PIP5K1C: variants seen among roughly 807,000 people sequenced by gnomAD.
PIP5K1C encodes phosphatidylinositol 4-phosphate 5-kinase type-1 gamma.
PIP5K1C carries 45 observed loss-of-function variants against 80.1 expected under a neutral mutation model. The observed-to-expected ratio is 0.56, with a 90% CI of 0.44 to 0.72. The LOEUF (loss-of-function observed/expected upper bound fraction) is 0.72, where lower values mean the gene tolerates loss of function less well. Among genes scored for constraint, PIP5K1C ranks in the 30% least tolerant of loss-of-function variants. The pLI is 0.00. For synonymous variants in PIP5K1C, 498 were observed against 420.1 expected, an observed-to-expected ratio of 1.19 and a Z score of -2.27; for missense variants, 753 against 954.6, an observed-to-expected ratio of 0.79 and a Z score of 2.78.
At chr19:3,650,801 G>A (rs1178722079) in intron 8 of PIP5K1C, among the ~76,000 whole-genome samples, 3 of 152,120 alleles carry the variant, frequency 2.0e-5, no homozygotes, top group Non-Finnish European at 4.4e-5. Flanking sequence ...TTGTTGCCCA[G>A]GCTGGAGTGC....
chr19:3,664,925 G>A lies in PIP5K1C; in HGVS notation c.127-11C>T, dbSNP rs1271723068. 6.2e-7 allele frequency: 1 copy of A among 1,606,192 alleles called. No individual in the cohort carries two copies. The highest frequency in any genetic ancestry group is 1.7e-5 in the Admixed American group (1 of 60,004). ...CGTCATGGACAGAACCTGGGAAGAGGAAGCAGGAAGCGTTAACTCCCTAAG... is the reference window on the plus strand; with the variant it reads ...CGTCATGGACAGAACCTGGGAAGAGAAAGCAGGAAGCGTTAACTCCCTAAG... On this transcript the variant is annotated splice_polypyrimidine_tract_variant and intron_variant, in intron 2 of 17. Transcript: ENST00000335312.
chr19:3,644,080 C>T lies in PIP5K1C; in HGVS notation c.1510+7G>A, dbSNP rs1200737196. The T allele has an allele frequency of 3.1e-6, 5 of 1,610,346 alleles. No homozygotes were observed. Among genetic ancestry groups the T allele is most frequent in the East Asian group, 2.2e-5 (1 of 44,882 alleles). ...CCCACAAGCGCACTCTGCCCTCTGC[C>T]CCTCACCTTCGTCCTCCAGCGTGGG... On this transcript the variant is annotated splice_region_variant and intron_variant, in intron 12 of 17. Transcript: ENST00000335312.
At chr19:3,666,110 G>A (rs1229710566) in intron 2 of PIP5K1C, among the ~76,000 whole-genome samples, 5 of 152,334 alleles carry the variant, frequency 3.3e-5, no homozygotes, top group South Asian at 2.1e-4. Flanking sequence ...CCCCACGCCG[G>A]GGGACTCTGA....
Position 3,644,172 on chromosome 19 carries a change from G to A in PIP5K1C, c.1425C>T (p.Phe475=). Residue 475 remains phenylalanine (F), a synonymous_variant, in exon 12 of 18, where the codon TTC becomes TTT. Coordinates refer to ENST00000335312, the MANE Select transcript of PIP5K1C (RefSeq NM_012398.3). The part of the protein sequence containing the change: ...AVKPLGPTAA[F]SASQIPSERE... ...GCTCGCTAGGGATCTGGCTGGCCGA[G>A]AAGGCAGCGGTGGGCCCCAGCGGTT... The A allele has an allele frequency of 6.2e-7, 1 of 1,612,322 alleles. No individual in the cohort carries two copies. Among genetic ancestry groups the A allele is most frequent in the South Asian group, 1.1e-5 (1 of 91,084 alleles).
At chr19:3,634,532 C>T (rs1471557713) in intron 16 of PIP5K1C, among the ~76,000 whole-genome samples, 6 of 152,248 alleles carry the variant, frequency 3.9e-5, no homozygotes, top group East Asian at 1.9e-4. Context: ...TGGCGGCCCT[C>T]GGCCCCTAAA....
chr19:3,693,774 G>A (rs750913393), intron 1 of PIP5K1C, among the ~76,000 whole-genome samples: 5 of 152,288 alleles, frequency 3.3e-5, no homozygotes, highest in Middle Eastern at 6.8e-3. Flanking sequence ...TTCCAAAAGG[G>A]AAAGAAGGGG....
At chr19:3,691,443 C>A (rs1036816464) in intron 1 of PIP5K1C, among the ~76,000 whole-genome samples, 1 of 152,160 alleles carries the variant, frequency 6.6e-6, no homozygotes, top group African/African-American at 2.4e-5. Context: ...CGCGAGCCCA[C>A]GCACCTGATC....
At chr19:3,679,626 G>C (rs1423542052) in intron 1 of PIP5K1C, among the ~76,000 whole-genome samples, 2 of 152,176 alleles carry the variant, frequency 1.3e-5, no homozygotes, top group African/African-American at 4.8e-5. Flanking sequence ...GGCTGGATCT[G>C]GGAGATCCAG....
intron 3 of PIP5K1C, among the ~76,000 whole-genome samples, 182 bp from the exon 4 acceptor site, chr19:3,662,183 G>A (rs1040611665): frequency 9.9e-5 from 15 of 152,184 alleles, no homozygotes; most frequent in South Asian, 2.1e-4. Flanking sequence ...ACATCAGGCC[G>A]GGGGATGAAG....
rs2033710843 is a variant in PIP5K1C at position 3,636,918 on chromosome 19, G to A, written c.1920+1966C>T. On this transcript the variant is annotated intron_variant, in intron 16 of 17. Coordinates refer to ENST00000335312, the MANE Select transcript of PIP5K1C (RefSeq NM_012398.3). ...GCCCTGAGGATCTCACAGCTACGTG[G>A]GGCCCATGTGGCGTCCCAGGGGGAC... 4 of 1,006,752 alleles carry A rather than the reference G, an allele frequency of 4.0e-6. No homozygotes were observed. In the South Asian group the frequency reaches 1.2e-4, roughly 31 times the overall value. 62.4% of individuals were successfully genotyped at this position (1,006,752 alleles called of 1,614,324 possible). A position where few individuals can be genotyped will look rare whatever the true frequency, so the allele number is the denominator to read the frequency against.
In PIP5K1C at chr19:3,656,330, C is replaced by T. The variant is rs560392206; in HGVS notation, c.621+75G>A. 88 of 1,557,950 alleles carry T rather than the reference C, an allele frequency of 5.6e-5. 2 individuals carry two copies. The South Asian group carries it at 7.8e-4, about 14-fold the overall frequency. On this transcript the variant is annotated intron_variant, in intron 6 of 17. Transcript: ENST00000335312. Reference sequence around the variant, plus strand: ...AGGATGCCTGCTTGCCCAAGCCTTGCAGACATCTGCTCCCGCCAGCCGGGA... The same window carrying T: ...AGGATGCCTGCTTGCCCAAGCCTTGTAGACATCTGCTCCCGCCAGCCGGGA...
rs763116758 is a variant in PIP5K1C at position 3,664,846 on chromosome 19, T to C, written c.195A>G (p.Ala65=). The part of the protein sequence containing the change: ...GKKLGHRGVD[A]SGETTYKKTT... ...CCTTCTTGTAGGTGGTTTCGCCGGATGCGTCCACACCTCGATGGCCCAACT... is the reference window on the plus strand; with the variant it reads ...CCTTCTTGTAGGTGGTTTCGCCGGACGCGTCCACACCTCGATGGCCCAACT... Residue 65 remains alanine (A), a synonymous_variant, in exon 3 of 18, where the codon GCA becomes GCG. Coordinates refer to ENST00000335312, the MANE Select transcript of PIP5K1C (RefSeq NM_012398.3). The C allele has an allele frequency of 1.9e-5, 30 of 1,613,094 alleles. No individual in the cohort carries two copies. The South Asian group carries it at 3.1e-4, about 17-fold the overall frequency.
intron 3 of PIP5K1C, among the ~76,000 whole-genome samples, chr19:3,664,239 G>C (rs1326648078): frequency 6.6e-6 from 1 of 152,244 alleles, no homozygotes; most frequent in Non-Finnish European, 1.5e-5. Flanking sequence ...ACTGCTAACA[G>C]GGACAGAGTT....
intron 1 of PIP5K1C, among the ~76,000 whole-genome samples, chr19:3,674,548 C>A (rs2035302468): frequency 6.6e-6 from 1 of 152,034 alleles, no homozygotes; most frequent in Admixed American, 6.6e-5. Flanking sequence ...CTGCCTCAGC[C>A]TCCCCCGAGT....
intron 1 of PIP5K1C, among the ~76,000 whole-genome samples, chr19:3,672,010 G>C (rs541577284): frequency 1.3e-5 from 2 of 152,296 alleles, no homozygotes; most frequent in African/African-American, 2.4e-5. Flanking sequence ...GGCCAGGCCC[G>C]AGGCGGGGGC....
chr19:3,669,241 G>C (rs565148881), intron 1 of PIP5K1C, among the ~76,000 whole-genome samples: 2 of 152,304 alleles, frequency 1.3e-5, no homozygotes, highest in South Asian at 2.1e-4. Flanking sequence ...TGTGCAGGAG[G>C]GTGCGGCAGG....
chr19:3,697,429 G>T (rs2036157109), intron 1 of PIP5K1C, among the ~76,000 whole-genome samples: 1 of 151,060 alleles, frequency 6.6e-6, no homozygotes, highest in Non-Finnish European at 1.5e-5. Context: ...GACGGAGGAG[G>T]ACCGAGCTGT....
At chr19:3,695,953 A>G (rs2036089763) in intron 1 of PIP5K1C, among the ~76,000 whole-genome samples, 1 of 151,518 alleles carries the variant, frequency 6.6e-6, no homozygotes. Context: ...CTGGTCTCAA[A>G]CTCCTGAGAT....
chr19:3,643,208 G>GC, intron 13 of PIP5K1C, 35 bp downstream of exon 13: 1 of 1,610,154 alleles, frequency 6.2e-7, no homozygotes, highest in Non-Finnish European at 8.5e-7. Flanking sequence ...CACAGCGGAT[G>GC]CCCCGCCCAC....
Sources: allele counts gnomAD v4.1 joint callset (sites outside exome capture counted in the v4.1 genomes callset), GRCh38; gene constraint gnomAD v4.1.1; transcripts MANE v1.5; gene names NCBI Gene and HGNC (gene_info 2026-07-23, HGNC 2026-07-21).